Variants in PCOLCE2 observed in about 807,000 individuals in gnomAD.
PCOLCE2 encodes the protein procollagen C-proteinase enhancer 2.
PCOLCE2 carries 42 observed loss-of-function variants against 47.0 expected under a neutral mutation model. That is an observed-to-expected ratio of 0.89 (90% confidence interval 0.70 to 1.16). The LOEUF (loss-of-function observed/expected upper bound fraction) is 1.16. Among genes scored for constraint, PCOLCE2 ranks in the 50% most tolerant of loss-of-function variants. The pLI, the probability that PCOLCE2 is intolerant of heterozygous loss-of-function variation, is 0.00. For missense variants in PCOLCE2, 500 were observed against 526.1 expected (o/e 0.95, Z 0.49); for synonymous variants, 169 against 191.7 (o/e 0.88, Z 0.98).
chr3:142,827,674 G>T, intron 6 of PCOLCE2: 2 of 1,355,506 alleles, frequency 1.5e-6, no homozygotes, highest in South Asian at 2.4e-5. Flanking sequence ...ACCAGTACGG[G>T]TCGCGGAAGA....
Position 142,879,795 on chromosome 3 carries a change from C to T in PCOLCE2, c.192+7874G>A, listed in dbSNP as rs1248281595. On this transcript the variant is annotated intron_variant, in intron 2 of 8. Transcript: ENST00000295992. ...CCATCCTGGCTAACACGGTGAAACC[C>T]CGCCTCTACTAAAAAATACAAAAAA... Among the ~76,000 whole-genome samples the T allele has an allele frequency of 2.6e-5, 4 of 151,280 alleles. No homozygotes were observed. In the East Asian group the frequency reaches 7.8e-4, roughly 29 times the overall value.
chr3:142,870,094 T>C (rs1304542363), intron 2 of PCOLCE2, among the ~76,000 whole-genome samples: 1 of 152,236 alleles, frequency 6.6e-6, no homozygotes, highest in East Asian at 1.9e-4. Flanking sequence ...GTTAGGTAAT[T>C]ATCACAAAGG....
At chr3:142,886,651 T>C (rs986402581) in intron 2 of PCOLCE2, among the ~76,000 whole-genome samples, 4 of 152,180 alleles carry the variant, frequency 2.6e-5, no homozygotes, top group Non-Finnish European at 4.4e-5. Context: ...TATTGCAAAG[T>C]AGGTTTTACT....
chr3:142,870,290 G>C (rs1221947302), intron 2 of PCOLCE2, among the ~76,000 whole-genome samples: 1 of 152,138 alleles, frequency 6.6e-6, no homozygotes, highest in African/African-American at 2.4e-5. Context: ...AAAATGTTAG[G>C]TTGACGGATA....
chr3:142,888,707 T>C (rs1933764901), intron 1 of PCOLCE2, 107 bp downstream of exon 1: 1 of 647,854 alleles, frequency 1.5e-6, no homozygotes, highest in African/African-American at 1.9e-5. Context: ...GGTCGAGCGC[T>C]GGGTCACCCA....
chr3:142,888,140 A>G (rs1010043960), intron 1 of PCOLCE2, among the ~76,000 whole-genome samples: 1 of 152,228 alleles, frequency 6.6e-6, no homozygotes, highest in South Asian at 2.1e-4. Context: ...TTTTAAAGAA[A>G]GACAGGCAAG....
At position 142,876,269 on chromosome 3, in the gene PCOLCE2, AAAT is replaced by A. The variant is rs1443878755; in HGVS notation, c.192+11397_192+11399del. On this transcript the variant is annotated intron_variant, in intron 2 of 8. Transcript: ENST00000295992. The stretch of plus-strand genomic sequence containing the variant: ...TCAATAAGTATAATATTTCATGAAG[AAAT>A]AATATTTTTTGAGTATTTACCATTT... Among the ~76,000 whole-genome samples, 15 of 152,322 alleles carry A rather than the reference AAAT, an allele frequency of 9.8e-5. No individual in the cohort carries two copies. In the South Asian group the frequency reaches 2.9e-3, roughly 29 times the overall value.
chr3:142,818,258 ATT>A lies in PCOLCE2; in HGVS notation c.*75_*76del. On this transcript the variant is annotated 3_prime_UTR_variant, in exon 9 of 9. Coordinates refer to ENST00000295992, the MANE Select transcript of PCOLCE2 (RefSeq NM_013363.4). Reference sequence around the variant, plus strand: ...TTTCAGAATATGTAATTTTATAAGTATTTTTTTTTCTACTGAGAGAACATAGA... The same window carrying A: ...TTTCAGAATATGTAATTTTATAAGTATTTTTTTCTACTGAGAGAACATAGA... The A allele has an allele frequency of 7.8e-7, 1 of 1,279,500 alleles. No individual in the cohort carries two copies. 79.3% of individuals were successfully genotyped at this position (1,279,500 alleles called of 1,614,324 possible).
At chr3:142,838,599 C>T (rs528329615) in intron 5 of PCOLCE2, among the ~76,000 whole-genome samples, 171 bp downstream of exon 5, 22 of 152,236 alleles carry the variant, frequency 1.4e-4, no homozygotes, top group African/African-American at 5.1e-4. Context: ...AAATAAATTA[C>T]CCAGTCTCAG....
At chr3:142,827,206 G>A (rs1253758215) in intron 6 of PCOLCE2, 2 of 1,263,380 alleles carry the variant, frequency 1.6e-6, no homozygotes, top group Non-Finnish European at 2.3e-6. Flanking sequence ...TGGCGGAGGG[G>A]ATGCCGATGT....
At chr3:142,883,198 CAAAAAAAAAAA>C (rs750569279) in intron 2 of PCOLCE2, among the ~76,000 whole-genome samples, 3 of 71,902 alleles carry the variant, frequency 4.2e-5, no homozygotes, top group East Asian at 8.7e-4. Flanking sequence ...GACTCCGTCT[CAAAAAAAAAAA>C]AAAAAAAAAA....
intron 5 of PCOLCE2, among the ~76,000 whole-genome samples, chr3:142,830,539 G>A (rs1333111265): frequency 6.6e-6 from 1 of 152,028 alleles, no homozygotes; most frequent in East Asian, 1.9e-4. Flanking sequence ...GCAAAATGCT[G>A]TAAAGGAAAA....
At chr3:142,853,780 G>T (rs1933004166) in intron 2 of PCOLCE2, among the ~76,000 whole-genome samples, 1 of 152,088 alleles carries the variant, frequency 6.6e-6, no homozygotes, top group African/African-American at 2.4e-5. Context: ...GTGCTTTTTT[G>T]GTGGCAAATA....
At chr3:142,853,241 C>T (rs1932990458) in intron 2 of PCOLCE2, among the ~76,000 whole-genome samples, 1 of 152,174 alleles carries the variant, frequency 6.6e-6, no homozygotes, top group Admixed American at 6.5e-5. Flanking sequence ...ATTCCTTCTA[C>T]CTGGAACATG....
At position 142,888,815 on chromosome 3, in the gene PCOLCE2, T is replaced by G; in HGVS notation, c.82A>C (p.Arg28=). 1 of 1,527,480 alleles carries G rather than the reference T, an allele frequency of 6.5e-7. No homozygotes were observed. Among genetic ancestry groups the G allele is most frequent in the Non-Finnish European group, 8.8e-7 (1 of 1,138,690 alleles). 94.6% of individuals were successfully genotyped at this position (1,527,480 alleles called of 1,614,324 possible). Residue 28 remains arginine, a splice_region_variant and synonymous_variant, in exon 1 of 9, where the codon AGA becomes CGA. Transcript: ENST00000295992. ...TQLSRQQSPE[R]PVFTCGGILT... ...GAGCCCGGGCAGGGGTCGCGTTACC[T>G]CTCTGGGGACTGCTGCCGCGAGAGC... is the stretch of plus-strand genomic sequence containing the variant.
At chr3:142,818,894 T>A (rs1317729926) in intron 8 of PCOLCE2, among the ~76,000 whole-genome samples, 1 of 152,254 alleles carries the variant, frequency 6.6e-6, no homozygotes, top group East Asian at 1.9e-4. Flanking sequence ...TGGTTTCAAA[T>A]GCCTGCTATG....
intron 4 of PCOLCE2, among the ~76,000 whole-genome samples, chr3:142,840,719 C>T (rs1937254933): frequency 6.6e-6 from 1 of 152,172 alleles, no homozygotes; most frequent in Non-Finnish European, 1.5e-5. Context: ...TGACTTCTTA[C>T]CACTTACTAA....
chr3:142,872,848 T>C lies in PCOLCE2; in HGVS notation c.192+14821A>G, dbSNP rs1337717795. On this transcript the variant is annotated intron_variant, in intron 2 of 8. Coordinates refer to ENST00000295992, the MANE Select transcript of PCOLCE2 (RefSeq NM_013363.4). ...AGTATCATCATCAAAAGGATAAGAT[T>C]TACTATTAATTCATCCTCAGAATAT... Among the ~76,000 whole-genome samples, 6 of 152,266 alleles carry C rather than the reference T, an allele frequency of 3.9e-5. No homozygotes were observed. The East Asian group carries it at 1.2e-3, about 29-fold the overall frequency.
Position 142,831,660 on chromosome 3 carries a change from C to T in PCOLCE2, c.711-1814G>A, listed in dbSNP as rs1055098582. ...ACAATGCACTACACACAATTCTAAC[C>T]TACAATTACAAATAAAACATGTTAA... On this transcript the variant is annotated intron_variant, in intron 5 of 8. Coordinates refer to ENST00000295992, the MANE Select transcript of PCOLCE2 (RefSeq NM_013363.4). 5.3e-5 allele frequency among the ~76,000 whole-genome samples: 8 copies of T among 152,090 alleles called. No homozygotes were observed. In the East Asian group the frequency reaches 1.5e-3, roughly 29 times the overall value.
Sources: gnomAD v4.1 joint callset for allele counts (sites outside exome capture counted in the v4.1 genomes callset) on GRCh38, gnomAD v4.1.1 for gene constraint, MANE v1.5 for transcripts, NCBI Gene and HGNC (gene_info 2026-07-23, HGNC 2026-07-21) for gene names.